Variants in TXNRD1 observed in about 807,000 individuals in gnomAD.
The protein encoded by TXNRD1 is thioredoxin reductase 1, cytoplasmic.
TXNRD1 carries 57 observed loss-of-function variants against 80.3 expected under a neutral mutation model. The ratio of observed to expected loss-of-function variants is 0.71; its 90% CI spans 0.57 to 0.89. The LOEUF (loss-of-function observed/expected upper bound fraction) is 0.89. Ranked by LOEUF, TXNRD1 falls within the 40% of genes least tolerant of loss-of-function variation. The pLI is 0.00. For synonymous variants in TXNRD1, 291 were observed against 285.2 expected (o/e 1.02, Z -0.20); for missense variants, 730 against 803.0 (o/e 0.91, Z 1.10).
At chr12:104,346,502 A>G (rs2135902679) in intron 16 of TXNRD1, among the ~76,000 whole-genome samples, 1 of 152,326 alleles carries the variant, frequency 6.6e-6, no homozygotes, top group Middle Eastern at 3.4e-3. Context: ...GCAAATTGAT[A>G]AGCCTGGAAT....
chr12:104,311,175 A>C, intron 4 of TXNRD1, 115 bp from the exon 5 acceptor site: 1 of 1,199,710 alleles, frequency 8.3e-7, no homozygotes, highest in Non-Finnish European at 1.1e-6. Flanking sequence ...ATTAAACAGC[A>C]TCTTCCCTTT....
chr12:104,324,569 C>G (rs1384841714), intron 10 of TXNRD1, among the ~76,000 whole-genome samples: 1 of 151,772 alleles, frequency 6.6e-6, no homozygotes, highest in African/African-American at 2.4e-5. Flanking sequence ...TCAGGCTGGT[C>G]TCGATCTCCT....
intron 11 of TXNRD1, 38 bp from the exon 12 acceptor site, chr12:104,326,309 T>C (rs781083531): frequency 1.2e-4 from 164 of 1,394,188 alleles, no homozygotes; most frequent in Non-Finnish European, 1.6e-4. Flanking sequence ...TGCAAAGCCT[T>C]TTTGTTATTA....
chr12:104,322,404 G>T lies in TXNRD1; in HGVS notation c.1215+1088G>T, dbSNP rs140958603. On this transcript the variant is annotated intron_variant, in intron 10 of 16. Coordinates refer to ENST00000525566, the MANE Select transcript of TXNRD1 (RefSeq NM_001093771.3). ...TTTTTTTTTTTTTTTTTTTTGAGAC[G>T]GAGTTTTGCTTTGTCACCCAGGCTG... Among the ~76,000 whole-genome samples, 10 of 127,952 alleles carry T rather than the reference G, an allele frequency of 7.8e-5. No homozygotes were observed. In the East Asian group the frequency reaches 1.7e-3, roughly 22 times the overall value. The allele number at this position is 127,952 out of a possible 152,430, so 83.9% of individuals were successfully genotyped here.
At chr12:104,246,368 C>G (rs1371997539) in intron 1 of TXNRD1, among the ~76,000 whole-genome samples, 1 of 151,158 alleles carries the variant, frequency 6.6e-6, no homozygotes, top group Non-Finnish European at 1.5e-5. Flanking sequence ...GCGGAACTTG[C>G]AGTGAGCCAA....
At chr12:104,331,191 A>C (rs894476233) in intron 13 of TXNRD1, among the ~76,000 whole-genome samples, 1 of 152,126 alleles carries the variant, frequency 6.6e-6, no homozygotes, top group African/African-American at 2.4e-5. Context: ...ATAATCCAAA[A>C]CTATCAGATT....
intron 4 of TXNRD1, chr12:104,291,194 G>GTTT: frequency 4.1e-6 from 1 of 242,696 alleles, no homozygotes; most frequent in Non-Finnish European, 7.6e-6. Flanking sequence ...TCTACTTTGT[G>GTTT]TCTTTTTTTT....
intron 1 of TXNRD1, among the ~76,000 whole-genome samples, chr12:104,239,611 A>G (rs2032816791): frequency 6.6e-6 from 1 of 152,022 alleles, no homozygotes; most frequent in Non-Finnish European, 1.5e-5. Context: ...CCTCCCAAGT[A>G]ACTGGGATTA....
intron 3 of TXNRD1, chr12:104,287,270 A>G (rs1215539115): frequency 2.9e-5 from 47 of 1,613,744 alleles, no homozygotes; most frequent in Non-Finnish European, 3.9e-5. Flanking sequence ...GCAGACGGGG[A>G]GGCTTTTCCA....
intron 4 of TXNRD1, among the ~76,000 whole-genome samples, chr12:104,297,727 T>A (rs2034483893): frequency 4.6e-5 from 7 of 152,226 alleles, no homozygotes. Flanking sequence ...GATAGACTTC[T>A]GTTACAATTT....
chr12:104,303,735 G>A, intron 4 of TXNRD1: 1 of 889,530 alleles, frequency 1.1e-6, no homozygotes, highest in Non-Finnish European at 1.6e-6. Flanking sequence ...GGCCGCTAGT[G>A]CGCATGGGCG....
chr12:104,318,648 C>G (rs1393666488), intron 7 of TXNRD1, among the ~76,000 whole-genome samples: 1 of 152,056 alleles, frequency 6.6e-6, no homozygotes, highest in Non-Finnish European at 1.5e-5. Flanking sequence ...AAGTTCGTTT[C>G]TAGATAAAGA....
chr12:104,241,000 C>CA (rs1161531585), intron 1 of TXNRD1, among the ~76,000 whole-genome samples: 1 of 151,022 alleles, frequency 6.6e-6, no homozygotes, highest in African/African-American at 2.4e-5. Context: ...CTCGGCCTCT[C>CA]AAAGTGTTGG....
intron 4 of TXNRD1, chr12:104,304,725 T>G (rs1216566142): frequency 1.2e-6 from 2 of 1,613,670 alleles, no homozygotes; most frequent in South Asian, 2.2e-5. Flanking sequence ...TATGTTTCTT[T>G]TATTGTAAGA....
chr12:104,328,853 G>A (rs1033551856), intron 13 of TXNRD1, among the ~76,000 whole-genome samples: 1 of 151,758 alleles, frequency 6.6e-6, no homozygotes, highest in African/African-American at 2.4e-5. Flanking sequence ...TTAAAAGTCA[G>A]TATAGGATGT....
intron 14 of TXNRD1, among the ~76,000 whole-genome samples, chr12:104,332,410 G>C (rs968653010): frequency 6.6e-6 from 1 of 152,064 alleles, no homozygotes; most frequent in African/African-American, 2.4e-5. Flanking sequence ...CATGTAATAT[G>C]TTGGTCTATT....
chr12:104,302,373 A>G (rs1415391268), intron 4 of TXNRD1, among the ~76,000 whole-genome samples: 3 of 151,146 alleles, frequency 2.0e-5, no homozygotes, highest in Admixed American at 1.3e-4. Flanking sequence ...GACAGGTGCA[A>G]TTGTGGGTGT....
chr12:104,305,326 C>T (rs935071823), intron 4 of TXNRD1: 1 of 151,948 alleles, frequency 6.6e-6, no homozygotes, highest in African/African-American at 2.5e-5. Context: ...GGTTCCTAAC[C>T]AGGTTGGGCA....
chr12:104,310,177 ACTCT>A (rs2035081823), intron 4 of TXNRD1: 5 of 714,500 alleles, frequency 7.0e-6, no homozygotes, highest in African/African-American at 3.5e-5. Flanking sequence ...ATGGAGTCTC[ACTCT>A]GTGAGACTCC....
Sources: gnomAD v4.1 joint callset for allele counts (sites outside exome capture counted in the v4.1 genomes callset) on GRCh38, gnomAD v4.1.1 for gene constraint, MANE v1.5 for transcripts, NCBI Gene and HGNC (gene_info 2026-07-23, HGNC 2026-07-21) for gene names.